ZDHHC21: variants seen among roughly 807,000 people sequenced by gnomAD.
The protein encoded by ZDHHC21 is zDHHC palmitoyltransferase 21.
ZDHHC21 carries 15 observed loss-of-function variants against 34.6 expected under a neutral mutation model. The observed-to-expected ratio is 0.43, with a 90% CI of 0.29 to 0.67. The LOEUF is 0.67. Among genes scored for constraint, ZDHHC21 ranks in the 30% least tolerant of loss-of-function variants. ZDHHC21 has a pLI of 0.14. For synonymous variants in ZDHHC21, 142 were observed against 101.8 expected (o/e 1.40, Z -2.38); for missense variants, 344 against 327.7 (o/e 1.05, Z -0.38).
downstream of ZDHHC21, among the ~76,000 whole-genome samples, chr9:14,610,407 C>A (rs901784605): frequency 1.3e-5 from 2 of 151,842 alleles, no homozygotes; most frequent in East Asian, 1.9e-4. Context: ...CTTTGACTTA[C>A]CAATAAAGCA....
At chr9:14,624,177 T>A (rs1395346692) in intron 8 of ZDHHC21, among the ~76,000 whole-genome samples, 1 of 152,114 alleles carries the variant, frequency 6.6e-6, no homozygotes, top group Non-Finnish European at 1.5e-5. Flanking sequence ...GTATCGGGTA[T>A]TATAAATAAT....
chr9:14,688,930 G>C (rs1298287640), intron 2 of ZDHHC21, among the ~76,000 whole-genome samples: 1 of 152,028 alleles, frequency 6.6e-6, no homozygotes, highest in African/African-American at 2.4e-5. Context: ...TGTAGTCCCA[G>C]CTTATTGGGA....
chr9:14,596,224 G>A, the ZDHHC21 span, among the ~76,000 whole-genome samples: 1 of 152,180 alleles, frequency 6.6e-6, no homozygotes, highest in Admixed American at 6.5e-5. Context: ...ATGGAATTTG[G>A]CTCAGCAACA....
At chr9:14,620,180 T>C (rs766571959) in intron 8 of ZDHHC21, among the ~76,000 whole-genome samples, 5 of 152,046 alleles carry the variant, frequency 3.3e-5, no homozygotes, top group Admixed American at 6.6e-5. Flanking sequence ...CAACATCTAT[T>C]ATTCTGAAAA....
chr9:14,652,018 C>A (rs369365872), intron 7 of ZDHHC21, among the ~76,000 whole-genome samples: 34 of 151,950 alleles, frequency 2.2e-4, no homozygotes, highest in African/African-American at 7.9e-4. Flanking sequence ...CAACATTATA[C>A]TGGAATGATA....
In ZDHHC21 at chr9:14,672,001, T is replaced by G. The variant is rs201131414; in HGVS notation, c.253+829A>C. Among the ~76,000 whole-genome samples, 4 of 152,232 alleles carry G rather than the reference T, an allele frequency of 2.6e-5. No homozygotes were observed. In the East Asian group the frequency reaches 7.7e-4, roughly 29 times the overall value. On this transcript the variant is annotated intron_variant, in intron 5 of 9. Coordinates refer to ENST00000380916, the MANE Select transcript of ZDHHC21 (RefSeq NM_178566.6). ...ACTGTTTCATCTATATGCTCAAAAGTTTATAAAGTCAAATTCTGGGAATCT... is the reference window on the plus strand; with the variant it reads ...ACTGTTTCATCTATATGCTCAAAAGGTTATAAAGTCAAATTCTGGGAATCT...
At chr9:14,624,989 G>A (rs1241506867) in intron 8 of ZDHHC21, among the ~76,000 whole-genome samples, 1 of 151,956 alleles carries the variant, frequency 6.6e-6, no homozygotes, top group Admixed American at 6.6e-5. Flanking sequence ...CACAATTAGA[G>A]AAAAACTTTG....
intron 2 of ZDHHC21, among the ~76,000 whole-genome samples, chr9:14,683,280 C>T (rs1837706123): frequency 6.6e-6 from 1 of 151,406 alleles, no homozygotes; most frequent in Non-Finnish European, 1.5e-5. Context: ...TTGAAAAGAT[C>T]AACAAAATTG....
chr9:14,683,962 C>G (rs1837830864), intron 2 of ZDHHC21, among the ~76,000 whole-genome samples: 1 of 152,214 alleles, frequency 6.6e-6, no homozygotes, highest in African/African-American at 2.4e-5. Flanking sequence ...ACACGGTTAT[C>G]TCAATAGATG....
chr9:14,593,295 G>C, the ZDHHC21 span, among the ~76,000 whole-genome samples: 7 of 152,074 alleles, frequency 4.6e-5, no homozygotes, highest in Non-Finnish European at 7.4e-5. Context: ...TCCAAAATTA[G>C]GAATGAAAGA....
At chr9:14,636,874 A>T (rs1021892471) in intron 8 of ZDHHC21, among the ~76,000 whole-genome samples, 1 of 152,126 alleles carries the variant, frequency 6.6e-6, no homozygotes, top group African/African-American at 2.4e-5. Context: ...AAAACGAAAC[A>T]TACCAAAACC....
chr9:14,650,981 T>C (rs1432043950), intron 7 of ZDHHC21, among the ~76,000 whole-genome samples: 3 of 151,944 alleles, frequency 2.0e-5, no homozygotes, highest in African/African-American at 7.2e-5. Flanking sequence ...ATCCACTTCA[T>C]CTAAAAAGAA....
chr9:14,655,362 C>T (rs969092229), intron 7 of ZDHHC21, among the ~76,000 whole-genome samples: 1 of 151,856 alleles, frequency 6.6e-6, no homozygotes, highest in Non-Finnish European at 1.5e-5. Context: ...AAAAAATAAG[C>T]CTAGAGGAGG....
At chr9:14,667,280 C>T (rs1022172735) in intron 5 of ZDHHC21, among the ~76,000 whole-genome samples, 3 of 148,582 alleles carry the variant, frequency 2.0e-5, no homozygotes, top group African/African-American at 7.4e-5. Flanking sequence ...GACACATACA[C>T]TCTCCCAAGA....
At chr9:14,597,007 T>C in the ZDHHC21 span, among the ~76,000 whole-genome samples, 1 of 151,836 alleles carries the variant, frequency 6.6e-6, no homozygotes, top group Non-Finnish European at 1.5e-5. Context: ...AAGTGAGAGA[T>C]CCCCCAGTAC....
the ZDHHC21 span, among the ~76,000 whole-genome samples, chr9:14,592,161 G>C: frequency 2.6e-5 from 4 of 151,584 alleles, no homozygotes; most frequent in African/African-American, 9.7e-5. Flanking sequence ...TCTATTTTTA[G>C]TGTAACATTT....
intron 3 of ZDHHC21, among the ~76,000 whole-genome samples, chr9:14,677,681 T>C (rs575234405): frequency 2.0e-5 from 3 of 152,198 alleles, no homozygotes; most frequent in Admixed American, 6.5e-5. Context: ...CTGGTAACTA[T>C]AGTTGACTAC....
intron 6 of ZDHHC21, 26 bp downstream of exon 6, chr9:14,662,189 C>A: frequency 1.3e-6 from 2 of 1,509,650 alleles, no homozygotes; most frequent in Middle Eastern, 1.7e-4. Flanking sequence ...CCCCTCTTTT[C>A]TTTGCTAGAA....
intron 8 of ZDHHC21, among the ~76,000 whole-genome samples, chr9:14,631,206 A>G (rs1449211839): frequency 6.6e-6 from 1 of 152,178 alleles, no homozygotes; most frequent in Non-Finnish European, 1.5e-5. Flanking sequence ...TCTTTTGGAT[A>G]ATTTGTTGCA....
Sources: gnomAD v4.1 joint callset for allele counts (sites outside exome capture counted in the v4.1 genomes callset) on GRCh38, gnomAD v4.1.1 for gene constraint, MANE v1.5 for transcripts, NCBI Gene and HGNC (gene_info 2026-07-23, HGNC 2026-07-21) for gene names.